Variants in PDE4D observed in about 807,000 individuals in gnomAD.
PDE4D encodes the protein 3',5'-cyclic-AMP phosphodiesterase 4D.
A neutral mutation model predicts 87.4 loss-of-function variants in PDE4D; 24 were observed. The ratio of observed to expected loss-of-function variants is 0.27; its 90% CI spans 0.20 to 0.39. The LOEUF is 0.39. Ranked by LOEUF, PDE4D falls within the 10% of genes least tolerant of loss-of-function variation. The pLI, the probability that PDE4D is intolerant of heterozygous loss-of-function variation, is 1.00. For missense variants in PDE4D, 714 were observed against 1,041.0 expected (o/e 0.69, Z 4.32); for synonymous variants, 384 against 383.2 (o/e 1.00, Z -0.02).
intron 1 of PDE4D, among the ~76,000 whole-genome samples, chr5:59,642,282 TTAC>T (rs1381153705): frequency 6.6e-6 from 1 of 151,992 alleles, no homozygotes; most frequent in Non-Finnish European, 1.5e-5. Flanking sequence ...TAAAAAATAT[TTAC>T]TACTTTTATA....
intron 1 of PDE4D, among the ~76,000 whole-genome samples, chr5:59,244,643 T>G: frequency 6.9e-6 from 1 of 144,412 alleles, no homozygotes; most frequent in Non-Finnish European, 1.5e-5. Flanking sequence ...CATATATACA[T>G]ATATATGTAT....
At chr5:60,094,818 T>C (rs1428800660) in intron 2 of PDE4D, among the ~76,000 whole-genome samples, 1 of 151,990 alleles carries the variant, frequency 6.6e-6, no homozygotes, top group Non-Finnish European at 1.5e-5. Context: ...AATACATACA[T>C]TTCTCTTGTT....
At chr5:60,320,614 A>T (rs1756162151) in intron 1 of PDE4D, among the ~76,000 whole-genome samples, 1 of 152,178 alleles carries the variant, frequency 6.6e-6, no homozygotes, top group Non-Finnish European at 1.5e-5. Context: ...CTATTCAGCC[A>T]TCTTGGCTCC....
At chr5:60,273,742 C>A (rs1437269896) in intron 1 of PDE4D, among the ~76,000 whole-genome samples, 1 of 151,996 alleles carries the variant, frequency 6.6e-6, no homozygotes, top group Non-Finnish European at 1.5e-5. Context: ...TCAAAAATGC[C>A]CCCCAAGTTA....
intron 5 of PDE4D, among the ~76,000 whole-genome samples, chr5:59,154,900 T>C (rs1450824663): frequency 6.6e-6 from 1 of 152,072 alleles, no homozygotes; most frequent in Non-Finnish European, 1.5e-5. Context: ...AAAATATATA[T>C]AGACAGACAG....
chr5:59,140,458 G>T (rs768225031), intron 5 of PDE4D, among the ~76,000 whole-genome samples: 5 of 152,126 alleles, frequency 3.3e-5, no homozygotes, highest in Non-Finnish European at 7.3e-5. Flanking sequence ...TTCTTGGATG[G>T]AAAATTTAAC....
intron 2 of PDE4D, among the ~76,000 whole-genome samples, chr5:59,200,131 A>G (rs924342701): frequency 6.6e-6 from 1 of 151,044 alleles, no homozygotes; most frequent in African/African-American, 2.4e-5. Context: ...GCATGTAGAC[A>G]TACATGTATG....
chr5:59,342,762 G>A (rs1778944854), intron 1 of PDE4D, among the ~76,000 whole-genome samples: 2 of 151,774 alleles, frequency 1.3e-5, no homozygotes, highest in Admixed American at 1.3e-4. Context: ...GTCAGAAGTA[G>A]TCTTCATTTT....
chr5:59,518,433 C>T (rs952153337), intron 1 of PDE4D, among the ~76,000 whole-genome samples: 1 of 152,040 alleles, frequency 6.6e-6, no homozygotes, highest in African/African-American at 2.4e-5. Flanking sequence ...TCTGTTTTGT[C>T]AGTGCTGGGC....
chr5:60,154,639 AT>A (rs1250130605), intron 2 of PDE4D, among the ~76,000 whole-genome samples: 1 of 152,206 alleles, frequency 6.6e-6, no homozygotes, highest in Non-Finnish European at 1.5e-5. Context: ...ACATCAATAC[AT>A]TTTTATAAAG....
intron 1 of PDE4D, among the ~76,000 whole-genome samples, chr5:60,270,526 T>C (rs1372535475): frequency 1.3e-5 from 2 of 152,210 alleles, no homozygotes; most frequent in African/African-American, 2.4e-5. Context: ...ATTGTTTTAT[T>C]TTGCTTTTTA....
chr5:59,959,363 A>T (rs1194297850), intron 3 of PDE4D, among the ~76,000 whole-genome samples: 1 of 152,174 alleles, frequency 6.6e-6, no homozygotes, highest in Non-Finnish European at 1.5e-5. Context: ...AGAAAAACCT[A>T]TTCTAAAATG....
At chr5:59,012,718 C>G (rs972818605) in intron 6 of PDE4D, among the ~76,000 whole-genome samples, 1 of 152,078 alleles carries the variant, frequency 6.6e-6, no homozygotes, top group Admixed American at 6.6e-5. Flanking sequence ...ACTTTAACAC[C>G]CCACTGTCAA....
intron 1 of PDE4D, among the ~76,000 whole-genome samples, chr5:59,892,147 AG>A (rs1751045638): frequency 6.6e-6 from 1 of 152,196 alleles, no homozygotes; most frequent in East Asian, 1.9e-4. Flanking sequence ...CTGGGTTATC[AG>A]GAAAGGGACC....
chr5:60,046,786 T>C (rs1769316137), intron 2 of PDE4D, among the ~76,000 whole-genome samples: 1 of 152,166 alleles, frequency 6.6e-6, no homozygotes, highest in South Asian at 2.1e-4. Flanking sequence ...TTATTGAGGA[T>C]TTTTGCATCA....
intron 6 of PDE4D, among the ~76,000 whole-genome samples, chr5:59,035,773 T>G (rs1340188499): frequency 6.6e-6 from 1 of 152,220 alleles, no homozygotes; most frequent in African/African-American, 2.4e-5. Context: ...TCCAAAGCTT[T>G]GAGACCTCAC....
intron 2 of PDE4D, among the ~76,000 whole-genome samples, chr5:60,121,973 A>G (rs552757948): frequency 1.3e-3 from 202 of 152,252 alleles, no homozygotes; most frequent in African/African-American, 4.6e-3. Context: ...AATTGGCCAA[A>G]ACGAAGTGGT....
At chr5:60,056,980 C>A (rs1241405987) in intron 2 of PDE4D, among the ~76,000 whole-genome samples, 1 of 152,002 alleles carries the variant, frequency 6.6e-6, no homozygotes, top group Non-Finnish European at 1.5e-5. Flanking sequence ...GAAACCTATT[C>A]CAACACCTAT....
chr5:60,429,380 G>A (rs760038021), intron 1 of PDE4D, among the ~76,000 whole-genome samples: 4 of 152,084 alleles, frequency 2.6e-5, no homozygotes, highest in Admixed American at 6.6e-5. Flanking sequence ...GGAGCTTTTG[G>A]GCAAAACTAT....
Sources: allele counts gnomAD v4.1 joint callset (sites outside exome capture counted in the v4.1 genomes callset), GRCh38; gene constraint gnomAD v4.1.1; transcripts MANE v1.5; gene names NCBI Gene and HGNC (gene_info 2026-07-23, HGNC 2026-07-21).